MATCAP2: variants seen among roughly 807,000 people sequenced by gnomAD.
The protein encoded by MATCAP2 is microtubule associated tyrosine carboxypeptidase 2, also known as putative tyrosine carboxypeptidase MATCAP2.
chr7:36,351,328 G>A, the MATCAP2 span, among the ~76,000 whole-genome samples: 1 of 152,120 alleles, frequency 6.6e-6, no homozygotes, highest in Non-Finnish European at 1.5e-5. Context: ...CCTGGGAGAT[G>A]GAGATTGCAG....
At chr7:36,357,093 CA>C in the MATCAP2 span, 2 of 1,614,162 alleles carry the variant, frequency 1.2e-6, no homozygotes, top group Non-Finnish European at 1.7e-6. Flanking sequence ...TCTCCCTTTT[CA>C]AAGCTTCTAG....
At chr7:36,366,617 T>G in the MATCAP2 span, 6 of 1,448,292 alleles carry the variant, frequency 4.1e-6, no homozygotes, top group Admixed American at 2.1e-5. Flanking sequence ...AAATAGGATT[T>G]AACAATCTTT....
chr7:36,385,496 A>G, the MATCAP2 span, among the ~76,000 whole-genome samples: 1 of 152,298 alleles, frequency 6.6e-6, no homozygotes, highest in South Asian at 2.1e-4. Flanking sequence ...TGTACATAAA[A>G]AGTTGAGGCT....
At chr7:36,328,889 C>A in the MATCAP2 span, among the ~76,000 whole-genome samples, 3 of 150,668 alleles carry the variant, frequency 2.0e-5, no homozygotes, top group Admixed American at 1.3e-4. Flanking sequence ...ACTAAAAATA[C>A]AAAATTAGCC....
At chr7:36,357,791 GTATA>G in the MATCAP2 span, among the ~76,000 whole-genome samples, 4 of 152,132 alleles carry the variant, frequency 2.6e-5, no homozygotes, top group Non-Finnish European at 2.9e-5. Flanking sequence ...TTCTCTATGA[GTATA>G]TATAAGTTAA....
the MATCAP2 span, among the ~76,000 whole-genome samples, chr7:36,331,346 TAG>T: frequency 1.3e-5 from 2 of 152,160 alleles, no homozygotes; most frequent in Non-Finnish European, 1.5e-5. Context: ...TTCCTCACTA[TAG>T]AGACTGGTAA....
chr7:36,356,307 G>A, the MATCAP2 span: 1 of 156,328 alleles, frequency 6.4e-6, no homozygotes, highest in Non-Finnish European at 1.4e-5. Flanking sequence ...TGGAGATCAG[G>A]AGTTCAAGAC....
chr7:36,348,440 T>G, the MATCAP2 span, among the ~76,000 whole-genome samples: 1 of 152,226 alleles, frequency 6.6e-6, no homozygotes, highest in Non-Finnish European at 1.5e-5. Flanking sequence ...ATATTTACAT[T>G]CCAATGCTTT....
chr7:36,335,852 C>A, the MATCAP2 span, among the ~76,000 whole-genome samples: 1 of 152,204 alleles, frequency 6.6e-6, no homozygotes, highest in African/African-American at 2.4e-5. Flanking sequence ...AGGCGGATGA[C>A]CTGAGGTCAG....
the MATCAP2 span, chr7:36,389,812 C>T: frequency 3.4e-5 from 30 of 881,206 alleles, no homozygotes; most frequent in African/African-American, 4.7e-4. Context: ...GCCCAGCGCG[C>T]ATGCTCGCGG....
At chr7:36,349,752 A>G in the MATCAP2 span, among the ~76,000 whole-genome samples, 1 of 152,252 alleles carries the variant, frequency 6.6e-6, no homozygotes. Context: ...GACTTTGTTA[A>G]GGTAAGAACC....
At chr7:36,330,808 A>G in the MATCAP2 span, among the ~76,000 whole-genome samples, 7 of 152,246 alleles carry the variant, frequency 4.6e-5, no homozygotes, top group Non-Finnish European at 8.8e-5. Context: ...GAAATTTTAC[A>G]ATTTGGTTAT....
At chr7:36,365,690 CTCCGTCTCA>C in the MATCAP2 span, among the ~76,000 whole-genome samples, 7 of 152,310 alleles carry the variant, frequency 4.6e-5, no homozygotes, top group South Asian at 8.3e-4. Flanking sequence ...CAGAGCGAGA[CTCCGTCTCA>C]AAAACAACAA....
the MATCAP2 span, chr7:36,334,959 A>G: frequency 7.9e-7 from 1 of 1,260,162 alleles, no homozygotes; most frequent in Non-Finnish European, 1.1e-6. Flanking sequence ...AATAAATACT[A>G]CTAAGAAAAA....
At chr7:36,367,171 G>A in the MATCAP2 span, 6 of 1,203,406 alleles carry the variant, frequency 5.0e-6, no homozygotes, top group Non-Finnish European at 6.2e-6. Context: ...ACACACGGCG[G>A]CCTTACGGTG....
chr7:36,357,609 TCAAAA>T, the MATCAP2 span: 253 of 1,554,026 alleles, frequency 1.6e-4, 3 homozygotes, highest in African/African-American at 3.1e-3. Context: ...ATAAACAAAA[TCAAAA>T]CAAAAGAAAT....
the MATCAP2 span, among the ~76,000 whole-genome samples, chr7:36,377,786 G>A: frequency 6.6e-6 from 1 of 152,150 alleles, no homozygotes; most frequent in Admixed American, 6.5e-5. Context: ...ATTTCTTGGA[G>A]GCTTTGTTCG....
At chr7:36,380,156 G>T in the MATCAP2 span, among the ~76,000 whole-genome samples, 2 of 152,166 alleles carry the variant, frequency 1.3e-5, no homozygotes, top group Non-Finnish European at 2.9e-5. Flanking sequence ...AGGGCATTTT[G>T]GTAGTGGGAG....
At chr7:36,357,133 G>A in the MATCAP2 span, 1 of 1,614,150 alleles carries the variant, frequency 6.2e-7, no homozygotes, top group Non-Finnish European at 8.5e-7. Context: ...TTGGAAGAGT[G>A]GAGAAATGGC....
Sources: allele counts gnomAD v4.1 joint callset (sites outside exome capture counted in the v4.1 genomes callset), GRCh38; gene constraint gnomAD v4.1.1; transcripts MANE v1.5; gene names NCBI Gene and HGNC (gene_info 2026-07-23, HGNC 2026-07-21).